Variants in STT3B observed in about 807,000 individuals in gnomAD.
The protein encoded by STT3B is STT3 oligosaccharyltransferase complex catalytic subunit B.
Under a neutral mutation model 96.8 loss-of-function variants are expected in STT3B, and 29 were observed. That is an observed-to-expected ratio of 0.30 (90% CI 0.22 to 0.41). STT3B has a LOEUF of 0.41. STT3B is among the 10% of genes least tolerant of loss of function. The pLI is 1.00. For missense variants in STT3B, 640 were observed against 1,022.3 expected (o/e 0.63, Z 5.10); for synonymous variants, 367 against 360.0 (o/e 1.02, Z -0.22).
intron 5 of STT3B, among the ~76,000 whole-genome samples, chr3:31,605,690 G>C (rs1182795886): frequency 2.0e-5 from 3 of 152,156 alleles, no homozygotes; most frequent in Non-Finnish European, 1.5e-5. Flanking sequence ...CCAGTTTCAG[G>C]TATGTCTTTA....
intron 5 of STT3B, among the ~76,000 whole-genome samples, chr3:31,608,702 T>C (rs1699112394): frequency 6.6e-6 from 1 of 152,208 alleles, no homozygotes; most frequent in South Asian, 2.1e-4. Flanking sequence ...ATTCTTCTCA[T>C]TGAGAAATGT....
At chr3:31,572,247 GTTC>G (rs1295657436) in intron 1 of STT3B, among the ~76,000 whole-genome samples, 3 of 146,630 alleles carry the variant, frequency 2.0e-5, no homozygotes, top group African/African-American at 7.5e-5. Flanking sequence ...AATGCAAGCA[GTTC>G]TTATATGTAA....
intron 1 of STT3B, among the ~76,000 whole-genome samples, chr3:31,574,384 TGCTTA>T (rs1698221240): frequency 6.6e-6 from 1 of 152,190 alleles, no homozygotes; most frequent in Non-Finnish European, 1.5e-5. Flanking sequence ...AGACCCTTGA[TGCTTA>T]GCACAGTGTT....
intron 1 of STT3B, among the ~76,000 whole-genome samples, chr3:31,568,114 C>T (rs148691870): frequency 2.6e-5 from 4 of 152,032 alleles, no homozygotes; most frequent in Non-Finnish European, 5.9e-5. Context: ...TAAAATTCGT[C>T]CTTCCATGCC....
In STT3B at chr3:31,579,975, C is replaced by G. The variant is rs753508197; in HGVS notation, c.590C>G (p.Ala197Gly). 5.6e-6 allele frequency: 9 copies of G among 1,613,872 alleles called. 1 individual carries two copies. Among genetic ancestry groups the G allele is most frequent in the Non-Finnish European group, 8.5e-7 (1 of 1,179,828 alleles). ...ACAAGAGAACTTTGGAACCAAGGAG[C>G]AGGACTTTTAGCTGCTTGTTTTATT... ...LLTRELWNQGAGLLAACFIAI... is the reference protein window; with the variant it reads ...LLTRELWNQGGGLLAACFIAI... Residue 197 changes from alanine to glycine, a missense_variant, in exon 3 of 16, where the codon GCA becomes GGA. Physicochemically the swap from Ala to Gly is moderately conservative, Grantham distance 60. Transcript: ENST00000295770.
chr3:31,576,555 G>T, intron 2 of STT3B, 51 bp downstream of exon 2: 2 of 1,107,602 alleles, frequency 1.8e-6, no homozygotes, highest in South Asian at 3.4e-5. Context: ...ATTGTTACTT[G>T]AGTAAATCAT....
chr3:31,559,106 A>T (rs1478766330), intron 1 of STT3B, among the ~76,000 whole-genome samples: 2 of 140,928 alleles, frequency 1.4e-5, no homozygotes, highest in Non-Finnish European at 3.1e-5. Flanking sequence ...AAATCTTTTC[A>T]AAAGAACCAA....
intron 13 of STT3B, among the ~76,000 whole-genome samples, chr3:31,627,243 C>T (rs986360614): frequency 2.6e-5 from 4 of 152,146 alleles, no homozygotes; most frequent in African/African-American, 7.2e-5. Context: ...ATCAGACCAG[C>T]GGCAGCATTA....
At chr3:31,624,614 C>T (rs1299911892) in intron 11 of STT3B, among the ~76,000 whole-genome samples, 1 of 150,576 alleles carries the variant, frequency 6.6e-6, no homozygotes, top group Admixed American at 6.6e-5. Flanking sequence ...CACTTGGGAG[C>T]TTATTAGGCT....
chr3:31,572,215 A>ATT (rs1193121528), intron 1 of STT3B, among the ~76,000 whole-genome samples: 3 of 145,022 alleles, frequency 2.1e-5, no homozygotes, highest in Non-Finnish European at 4.5e-5. Flanking sequence ...TATATATTAT[A>ATT]TTATATATAT....
At chr3:31,559,158 T>G (rs1342388931) in intron 1 of STT3B, among the ~76,000 whole-genome samples, 2 of 139,550 alleles carry the variant, frequency 1.4e-5, no homozygotes, top group African/African-American at 2.8e-5. Flanking sequence ...TGTGTGTGTG[T>G]GTGTGTGTGT....
At chr3:31,596,535 A>G (rs1188554729) in intron 3 of STT3B, among the ~76,000 whole-genome samples, 1 of 152,144 alleles carries the variant, frequency 6.6e-6, no homozygotes, top group Non-Finnish European at 1.5e-5. Context: ...AAAATGAGAA[A>G]AATGTAATTT....
chr3:31,555,947 T>C (rs991551491), intron 1 of STT3B, among the ~76,000 whole-genome samples: 1 of 152,176 alleles, frequency 6.6e-6, no homozygotes, highest in African/African-American at 2.4e-5. Context: ...TAGTAAATTG[T>C]TGCTAGCTAT....
At chr3:31,606,750 T>C (rs1481721654) in intron 5 of STT3B, among the ~76,000 whole-genome samples, 2 of 152,222 alleles carry the variant, frequency 1.3e-5, no homozygotes, top group Non-Finnish European at 2.9e-5. Context: ...ACTGGGGCAC[T>C]GCCAAGTGGA....
rs1240552763 is a variant in STT3B at position 31,532,960 on chromosome 3, G to A, written c.-39G>A. On this transcript the variant is annotated 5_prime_UTR_variant, in exon 1 of 16. Transcript: ENST00000295770. ...AGCACCCCTCGCACCAGGCGGCGGC[G>A]GCGGAGGAGGAGAGCTAGACCCGCC... 1 of 1,556,086 alleles carries A rather than the reference G, an allele frequency of 6.4e-7. No individual in the cohort carries two copies.
intron 3 of STT3B, among the ~76,000 whole-genome samples, chr3:31,581,763 A>G (rs917778518): frequency 6.6e-6 from 1 of 152,084 alleles, no homozygotes; most frequent in Non-Finnish European, 1.5e-5. Flanking sequence ...ATTGAGGAGG[A>G]TTAGTGTTGG....
chr3:31,633,187 G>A (rs758340708), intron 15 of STT3B, 40 bp downstream of exon 15: 2 of 1,545,296 alleles, frequency 1.3e-6, no homozygotes, highest in Non-Finnish European at 1.8e-6. Context: ...AACTTAAGGT[G>A]TGTTGGTTTG....
At chr3:31,623,060 TG>T (rs1301492074) in intron 10 of STT3B, among the ~76,000 whole-genome samples, 7 of 152,228 alleles carry the variant, frequency 4.6e-5, no homozygotes, top group African/African-American at 1.7e-4. Flanking sequence ...TTTTTGTGTT[TG>T]TTGTTATTGT....
At chr3:31,583,504 A>G in intron 3 of STT3B, among the ~76,000 whole-genome samples, 1 of 152,078 alleles carries the variant, frequency 6.6e-6, no homozygotes, top group African/African-American at 2.4e-5. Flanking sequence ...TTTGAATTTT[A>G]TAGAGTTAAA....
Sources: allele counts gnomAD v4.1 joint callset (sites outside exome capture counted in the v4.1 genomes callset), GRCh38; gene constraint gnomAD v4.1.1; transcripts MANE v1.5; gene names NCBI Gene and HGNC (gene_info 2026-07-23, HGNC 2026-07-21).